Variants in PPM1H observed in about 807,000 individuals in gnomAD.
PPM1H encodes the protein protein phosphatase, Mg2+/Mn2+ dependent 1H, also known as protein phosphatase 1H.
In PPM1H, 27 loss-of-function variants were observed where a neutral mutation model predicts 54.9. The observed-to-expected ratio is 0.49, with a 90% confidence interval of 0.36 to 0.68. The LOEUF (loss-of-function observed/expected upper bound fraction) is 0.68. Ranked by LOEUF, PPM1H falls within the 30% of genes least tolerant of loss-of-function variation. PPM1H has a pLI of 0.00. For synonymous variants in PPM1H, 305 were observed against 270.8 expected (o/e 1.13, Z -1.24); for missense variants, 596 against 667.8 (o/e 0.89, Z 1.19).
At chr12:62,891,359 A>G (rs1223902079) in intron 1 of PPM1H, among the ~76,000 whole-genome samples, 2 of 152,216 alleles carry the variant, frequency 1.3e-5, no homozygotes, top group Non-Finnish European at 2.9e-5. Context: ...ACAGACTGCT[A>G]AGAAAGCCAA....
At chr12:62,870,383 C>T (rs189844107) in intron 1 of PPM1H, among the ~76,000 whole-genome samples, 88 of 152,088 alleles carry the variant, frequency 5.8e-4, no homozygotes, top group Non-Finnish European at 2.4e-4. Flanking sequence ...AGATTTTGCT[C>T]CAGACAAAGC....
intron 4 of PPM1H, among the ~76,000 whole-genome samples, chr12:62,770,379 A>T (rs1180567336): frequency 2.0e-5 from 3 of 152,136 alleles, no homozygotes; most frequent in African/African-American, 7.2e-5. Context: ...CAGCGCTATG[A>T]TAAGTCACAG....
At chr12:62,833,144 C>T (rs117805379) in intron 1 of PPM1H, among the ~76,000 whole-genome samples, 13 of 152,270 alleles carry the variant, frequency 8.5e-5, no homozygotes, top group Non-Finnish European at 1.8e-4. Flanking sequence ...CCACTGGCTG[C>T]GTTTCCTTTC....
rs950129949 is a variant in PPM1H at position 62,736,634 on chromosome 12, C to T, written c.954+868G>A. ...AACCAAATTAATTAAATCCTGACCA[C>T]AAATACTGAAATGCAGAGATGCAAA... On this transcript the variant is annotated intron_variant, in intron 5 of 9. Transcript: ENST00000228705. Among the ~76,000 whole-genome samples the T allele has an allele frequency of 2.0e-5, 3 of 152,212 alleles. No homozygotes were observed. In the South Asian group the frequency reaches 6.2e-4, roughly 32 times the overall value.
chr12:62,880,669 T>C (rs1381031463), intron 1 of PPM1H, among the ~76,000 whole-genome samples: 3 of 152,210 alleles, frequency 2.0e-5, no homozygotes, highest in African/African-American at 7.2e-5. Flanking sequence ...AAGAGAAAAT[T>C]GTGTCATTCT....
chr12:62,655,335 G>C (rs1348071012), intron 9 of PPM1H, among the ~76,000 whole-genome samples: 1 of 152,120 alleles, frequency 6.6e-6, no homozygotes. Flanking sequence ...TCCTTTGCTA[G>C]GCTGCTTTAT....
At chr12:62,869,938 G>C (rs1338960030) in intron 1 of PPM1H, among the ~76,000 whole-genome samples, 2 of 152,146 alleles carry the variant, frequency 1.3e-5, no homozygotes, top group East Asian at 3.9e-4. Context: ...GTGCCTCAGA[G>C]AGAGGCCTTC....
chr12:62,730,800 T>C (rs2076316896), intron 5 of PPM1H, among the ~76,000 whole-genome samples: 1 of 152,166 alleles, frequency 6.6e-6, no homozygotes, highest in Admixed American at 6.5e-5. Context: ...TGAAATGAAA[T>C]TAATAATGTC....
chr12:62,650,788 C>G (rs1041472040), intron 9 of PPM1H, among the ~76,000 whole-genome samples: 1 of 152,126 alleles, frequency 6.6e-6, no homozygotes, highest in Non-Finnish European at 1.5e-5. Flanking sequence ...CACTCACTCA[C>G]TATCGTAAGA....
chr12:62,921,241 TA>T (rs1286747138), intron 1 of PPM1H, among the ~76,000 whole-genome samples: 2 of 152,018 alleles, frequency 1.3e-5, no homozygotes, highest in Admixed American at 6.6e-5. Context: ...ATTTTCATTT[TA>T]AAAAAAATCA....
At chr12:62,664,466 A>G (rs1159648579) in intron 9 of PPM1H, among the ~76,000 whole-genome samples, 1 of 152,136 alleles carries the variant, frequency 6.6e-6, no homozygotes, top group Non-Finnish European at 1.5e-5. Flanking sequence ...CTATTATTTT[A>G]ACAGTTTTCT....
chr12:62,824,662 A>G (rs7977929), intron 2 of PPM1H, among the ~76,000 whole-genome samples: 9,776 of 152,256 alleles, frequency 0.064, 418 homozygotes, highest in African/African-American at 0.12. Flanking sequence ...AGGATTCCCT[A>G]TTTAATAAAT....
intron 2 of PPM1H, among the ~76,000 whole-genome samples, chr12:62,807,837 C>T (rs75662458): frequency 1.0e-3 from 153 of 152,250 alleles, no homozygotes; most frequent in African/African-American, 3.5e-3. Context: ...CCAGAAAAAC[C>T]TTCCCATCAC....
chr12:62,840,082 A>AGAGAGAGC (rs1555200502), intron 1 of PPM1H: 55 of 125,320 alleles, frequency 4.4e-4, no homozygotes, highest in Admixed American at 2.6e-3. Flanking sequence ...AGAGAGAGAG[A>AGAGAGAGC]GAGCGAGAGA....
At chr12:62,834,624 G>A (rs1868446512) in intron 1 of PPM1H, among the ~76,000 whole-genome samples, 1 of 152,188 alleles carries the variant, frequency 6.6e-6, no homozygotes, top group African/African-American at 2.4e-5. Flanking sequence ...GGAGGAGTCT[G>A]GGAAAAGGCC....
chr12:62,902,037 G>A (rs1198598439), intron 1 of PPM1H, among the ~76,000 whole-genome samples: 1 of 152,170 alleles, frequency 6.6e-6, no homozygotes, highest in Non-Finnish European at 1.5e-5. Context: ...GATTCAGAGG[G>A]ATGACTAACC....
intron 1 of PPM1H, among the ~76,000 whole-genome samples, chr12:62,889,770 T>C (rs1870719902): frequency 6.6e-6 from 1 of 152,142 alleles, no homozygotes; most frequent in Admixed American, 6.5e-5. Context: ...TTCACAAAAA[T>C]TAATTTGAAA....
chr12:62,690,614 G>A (rs1283739873), intron 7 of PPM1H, among the ~76,000 whole-genome samples: 2 of 152,196 alleles, frequency 1.3e-5, no homozygotes, highest in African/African-American at 4.8e-5. Flanking sequence ...CATTTATTGG[G>A]TGCCTACTAT....
At chr12:62,914,142 A>G (rs1871547960) in intron 1 of PPM1H, among the ~76,000 whole-genome samples, 1 of 152,208 alleles carries the variant, frequency 6.6e-6, no homozygotes, top group African/African-American at 2.4e-5. Flanking sequence ...AAATCTCTCA[A>G]GAATGGCTTG....
Sources: allele counts gnomAD v4.1 joint callset (sites outside exome capture counted in the v4.1 genomes callset), GRCh38; gene constraint gnomAD v4.1.1; transcripts MANE v1.5; gene names NCBI Gene and HGNC (gene_info 2026-07-23, HGNC 2026-07-21).